AMPD1: variants seen among roughly 807,000 people sequenced by gnomAD.
AMPD1 encodes the protein adenosine monophosphate deaminase 1.
AMPD1 carries 74 observed loss-of-function variants against 82.9 expected under a neutral mutation model. The ratio of observed to expected loss-of-function variants is 0.89; its 90% CI spans 0.74 to 1.08. AMPD1 has a LOEUF of 1.08. AMPD1 is among the 50% of genes least tolerant of loss of function. AMPD1 has a pLI of 0.00. For synonymous variants in AMPD1, 333 were observed against 320.5 expected (o/e 1.04, Z -0.42); for missense variants, 881 against 924.5 (o/e 0.95, Z 0.61).
chr1:114,684,421 T>A, intron 4 of AMPD1, 57 bp from the exon 5 acceptor site: 1 of 1,579,478 alleles, frequency 6.3e-7, no homozygotes, highest in Non-Finnish European at 8.7e-7. Context: ...AACTGAGAAG[T>A]GAGTAAAGCT....
rs147015285 is a variant in AMPD1 at position 114,676,116 on chromosome 1, T to A, written c.1389-113A>T. On this transcript the variant is annotated intron_variant, in intron 10 of 15. Coordinates refer to ENST00000520113, the MANE Select transcript of AMPD1 (RefSeq NM_000036.3). ...CATGCACAGGAAAAGACGTGGTATA[T>A]CTATCCTAGGTCCATGCTCCTCATA... The A allele has an allele frequency of 2.2e-3, 2,778 of 1,256,666 alleles. 4 individuals are homozygous for A. Among genetic ancestry groups the A allele is most frequent in the African/African-American group, 4.4e-3 (301 of 67,880 alleles). 77.8% of individuals were successfully genotyped at this position (1,256,666 alleles called of 1,614,324 possible).
Position 114,677,344 on chromosome 1 carries a change from T to A in AMPD1, c.1388+7A>T. Reference sequence around the variant, plus strand: ...GGCTCTAGAGTTTCTGATGGGCAGGTACATACTAGATCCTGGGAACCTGGA... The same window carrying A: ...GGCTCTAGAGTTTCTGATGGGCAGGAACATACTAGATCCTGGGAACCTGGA... On this transcript the variant is annotated splice_region_variant and intron_variant, in intron 10 of 15. Transcript: ENST00000520113. 1 of 1,609,372 alleles carries A rather than the reference T, an allele frequency of 6.2e-7. No individual in the cohort carries two copies. The highest frequency in any genetic ancestry group is 8.5e-7 in the Non-Finnish European group (1 of 1,178,920).
rs1244127751 is a variant in AMPD1, at chr1:114,684,290, C to G, written c.456G>C (p.Gln152His). The G allele has an allele frequency of 5.0e-6, 8 of 1,613,990 alleles. No homozygotes were observed. In the South Asian group the frequency reaches 7.7e-5, roughly 16 times the overall value. ...RALCIREKYM[Q>H]KSFQRFPKTP... ...TTTTAGGGAACCTCTGAAACGACTT[C>G]TGCATGTATTTCTCACGTATGCATA... Residue 152 changes from glutamine (Q) to histidine (H), a missense_variant, in exon 5 of 16, where the codon CAG becomes CAC. Gln to His is a conservative substitution (Grantham distance 24). Transcript: ENST00000520113.
In AMPD1 at chr1:114,677,818, C is replaced by A. The variant is rs1281292037; in HGVS notation, c.1224+92G>T. On this transcript the variant is annotated intron_variant, in intron 9 of 15. Coordinates refer to ENST00000520113, the MANE Select transcript of AMPD1 (RefSeq NM_000036.3). ...CTCTCCCTCCTTCCTTCCTTCCTTC[C>A]TTCCTTCCTTCCTTCCTTCCTTCCT... 6 of 1,101,696 alleles carry A rather than the reference C, an allele frequency of 5.4e-6. No individual in the cohort carries two copies. The African/African-American group carries it at 8.2e-5, about 15-fold the overall frequency. 68.2% of individuals were successfully genotyped at this position (1,101,696 alleles called of 1,614,324 possible).
At position 114,673,983 on chromosome 1, in the gene AMPD1, A is replaced by C; in HGVS notation, c.1900T>G (p.Phe634Val). 1 of 1,614,084 alleles carries C rather than the reference A, an allele frequency of 6.2e-7. No individual in the cohort carries two copies. Among genetic ancestry groups the C allele is most frequent in the African/African-American group, 1.3e-5 (1 of 75,054 alleles). The change falls in exon 14 of 16, where the codon TTT (phenylalanine) becomes GTT (valine). Residue 634 changes from phenylalanine to valine, a missense_variant. Around this residue, in one of 2 missense-constraint regions of AMPD1, gnomAD observed 783 missense variants for 786.4 expected, o/e 1.00. Coordinates refer to ENST00000520113, the MANE Select transcript of AMPD1 (RefSeq NM_000036.3). The stretch of plus-strand genomic sequence containing the variant: ...AGCCCTTTCTGAAGGAAATCCAAAA[A>C]AGGATTTTTGGCATACTCTAGAAAT... Reference protein sequence around the residue: ...SLFLEYAKNPFLDFLQKGLMI... With the variant: ...SLFLEYAKNPVLDFLQKGLMI...
rs375535646 is a variant in AMPD1 at position 114,678,053 on chromosome 1, A to G, written c.1093-12T>C. The G allele has an allele frequency of 1.1e-4, 180 of 1,613,712 alleles. No homozygotes were observed. The highest frequency in any genetic ancestry group is 1.4e-4 in the Non-Finnish European group (169 of 1,179,984). On this transcript the variant is annotated splice_polypyrimidine_tract_variant and intron_variant, in intron 8 of 15. Coordinates refer to ENST00000520113, the MANE Select transcript of AMPD1 (RefSeq NM_000036.3). The stretch of plus-strand genomic sequence containing the variant: ...AAGGTCTGGCGTCCCTGAATCAGGA[A>G]AAAAGAGCAGAGATGTATTATTACC...
chr1:114,676,383 T>C (rs969853532), intron 10 of AMPD1: 1 of 276,754 alleles, frequency 3.6e-6, no homozygotes, highest in Non-Finnish European at 7.0e-6. Context: ...ATCTGCAATT[T>C]AACAAACTCT....
chr1:114,680,666 G>A (rs1046850930), intron 5 of AMPD1, among the ~76,000 whole-genome samples, 188 bp from the exon 6 acceptor site: 1 of 152,134 alleles, frequency 6.6e-6, no homozygotes, highest in African/African-American at 2.4e-5. Flanking sequence ...GTATAAAATA[G>A]CTATAAAAAT....
chr1:114,688,544 C>T lies in AMPD1; in HGVS notation c.215+17G>A. ...CTTAGGTGCCAATATACTAAGCACT[C>T]CCCTTACACCACTTACCTCCTGGCT... On this transcript the variant is annotated intron_variant, in intron 3 of 15. Transcript: ENST00000520113. 6.2e-7 allele frequency: 1 copy of T among 1,614,004 alleles called. No homozygotes were observed. The highest frequency in any genetic ancestry group is 8.5e-7 in the Non-Finnish European group (1 of 1,179,910).
chr1:114,677,949 G>C lies in AMPD1; in HGVS notation c.1185C>G (p.Asp395Glu). The change falls in exon 9 of 16, where the codon GAC (aspartate) becomes GAG (glutamate). Residue 395 changes from aspartate to glutamate, a missense_variant. Around this residue, in one of 2 missense-constraint regions of AMPD1, gnomAD observed 783 missense variants for 786.4 expected, o/e 1.00. Transcript: ENST00000520113. ...CAAAATATTCCCCATTAATGTAATTGTCTGTCTTCAAGTAGAGGTCCCGTA... is the reference window on the plus strand; with the variant it reads ...CAAAATATTCCCCATTAATGTAATTCTCTGTCTTCAAGTAGAGGTCCCGTA... ...SELRDLYLKT[D>E]NYINGEYFAT... is the part of the protein sequence containing the mutation. 1 of 1,613,762 alleles carries C rather than the reference G, an allele frequency of 6.2e-7. No homozygotes were observed. The highest frequency in any genetic ancestry group is 8.5e-7 in the Non-Finnish European group (1 of 1,179,934).
intron 3 of AMPD1, 27 bp from the exon 4 acceptor site, chr1:114,686,937 T>G (rs1221602253): frequency 6.2e-7 from 1 of 1,613,302 alleles, no homozygotes; most frequent in Admixed American, 1.7e-5. Flanking sequence ...AAAGTAAGAG[T>G]TAATTTTGTC....
At chr1:114,683,782 C>G (rs1479541020) in intron 5 of AMPD1, among the ~76,000 whole-genome samples, 2 of 152,092 alleles carry the variant, frequency 1.3e-5, no homozygotes, top group Non-Finnish European at 2.9e-5. Context: ...GTGTGGGCCT[C>G]AAATGCCAGG....
At chr1:114,690,442 T>C (rs1414905264) in intron 2 of AMPD1, among the ~76,000 whole-genome samples, 2 of 152,132 alleles carry the variant, frequency 1.3e-5, no homozygotes, top group Non-Finnish European at 2.9e-5. Flanking sequence ...AAATGTACAT[T>C]GGAGATGACA....
intron 4 of AMPD1, 48 bp downstream of exon 4, chr1:114,686,697 C>T (rs1169305160): frequency 1.9e-6 from 3 of 1,602,820 alleles, no homozygotes; most frequent in Admixed American, 1.7e-5. Context: ...AACTGTCAAG[C>T]TGAATGGCTT....
At position 114,679,719 on chromosome 1, in the gene AMPD1, T is replaced by C. The variant is rs189111132; in HGVS notation, c.768-11A>G. ...TGGGTATAGGTCTTACTGTGAAAAA[T>C]AAAATCACATAATTCCAAAAAGTTT... On this transcript the variant is annotated splice_polypyrimidine_tract_variant and intron_variant, in intron 6 of 15. Transcript: ENST00000520113. The C allele has an allele frequency of 3.3e-5, 53 of 1,613,790 alleles. No individual in the cohort carries two copies. The East Asian group carries it at 1.1e-3, about 33-fold the overall frequency.
chr1:114,676,151 T>G (rs1657976103), intron 10 of AMPD1, 148 bp from the exon 11 acceptor site: 3 of 1,015,220 alleles, frequency 3.0e-6, no homozygotes, highest in Admixed American at 4.1e-5. Context: ...ACATTCTTTT[T>G]GGTCCCCTAT....
chr1:114,686,661 G>A, intron 4 of AMPD1, 84 bp downstream of exon 4: 1 of 1,465,014 alleles, frequency 6.8e-7, no homozygotes, highest in Non-Finnish European at 9.5e-7. Context: ...TCCCTCAACA[G>A]GAAAGAGAAG....
chr1:114,679,400 G>A (rs893979314), intron 7 of AMPD1, among the ~76,000 whole-genome samples, 179 bp downstream of exon 7: 8 of 152,146 alleles, frequency 5.3e-5, no homozygotes, highest in Non-Finnish European at 8.8e-5. Flanking sequence ...TGGGGAAAAC[G>A]ATAGAAATGG....
At position 114,674,710 on chromosome 1, in the gene AMPD1, C is replaced by G. The variant is rs761204717; in HGVS notation, c.1800+42G>C. 5.6e-6 allele frequency: 9 copies of G among 1,602,460 alleles called. No homozygotes were observed. The African/African-American group carries it at 1.1e-4, about 19-fold the overall frequency. ...GTTGGTTAAGGGAAAAAAGATTCCT[C>G]TAGCTCCAATGTAAAAGTTAAGAAG... On this transcript the variant is annotated intron_variant, in intron 13 of 15. Transcript: ENST00000520113.
Sources: allele counts gnomAD v4.1 joint callset (sites outside exome capture counted in the v4.1 genomes callset), GRCh38; gene constraint gnomAD v4.1.1; regional missense constraint gnomAD v4.1.1; transcripts MANE v1.5; gene names NCBI Gene and HGNC (gene_info 2026-07-23, HGNC 2026-07-21).